CPNE8: variants seen among roughly 807,000 people sequenced by gnomAD.
The protein encoded by CPNE8 is copine-8.
Under a neutral mutation model 81.5 loss-of-function variants are expected in CPNE8, and 45 were observed. The observed-to-expected ratio is 0.55, with a 90% CI of 0.44 to 0.71. The LOEUF is 0.71. Ranked by LOEUF, CPNE8 falls within the 30% of genes least tolerant of loss-of-function variation. CPNE8 has a pLI of 0.00. For synonymous variants in CPNE8, 252 were observed against 226.3 expected (o/e 1.11, Z -1.02); for missense variants, 594 against 672.1 (o/e 0.88, Z 1.28).
intron 6 of CPNE8, among the ~76,000 whole-genome samples, chr12:38,791,325 T>A (rs1300244286): frequency 2.6e-5 from 4 of 151,528 alleles, no homozygotes; most frequent in African/African-American, 9.7e-5. Flanking sequence ...AAAATTAGCT[T>A]TAACTTATGA....
chr12:38,805,661 TAA>T (rs35911949), intron 6 of CPNE8, among the ~76,000 whole-genome samples: 3,844 of 41,898 alleles, frequency 0.092, 214 homozygotes, highest in African/African-American at 0.25. Flanking sequence ...TAGAGTATAA[TAA>T]AAAAAAAAAA....
At chr12:38,812,753 C>A (rs1225405435) in intron 6 of CPNE8, among the ~76,000 whole-genome samples, 5 of 152,196 alleles carry the variant, frequency 3.3e-5, no homozygotes, top group Non-Finnish European at 7.3e-5. Context: ...GAAGTGGCTT[C>A]TCACTCTTCT....
intron 6 of CPNE8, among the ~76,000 whole-genome samples, chr12:38,799,029 G>A (rs1366610196): frequency 1.3e-5 from 2 of 152,048 alleles, no homozygotes; most frequent in Non-Finnish European, 2.9e-5. Flanking sequence ...CCCAATACAG[G>A]AGCACCCAGA....
intron 10 of CPNE8, among the ~76,000 whole-genome samples, chr12:38,747,423 T>C (rs1438281083): frequency 6.6e-6 from 1 of 152,194 alleles, no homozygotes; most frequent in Non-Finnish European, 1.5e-5. Flanking sequence ...AATGTGGACA[T>C]TTCTAGACAG....
At chr12:38,843,626 T>A (rs554626996) in intron 4 of CPNE8, among the ~76,000 whole-genome samples, 4 of 152,106 alleles carry the variant, frequency 2.6e-5, no homozygotes, top group Admixed American at 2.6e-4. Flanking sequence ...AGAAACTCAC[T>A]AGGAAGTTCT....
At chr12:38,738,702 A>C (rs1941010072) in intron 10 of CPNE8, among the ~76,000 whole-genome samples, 1 of 152,140 alleles carries the variant, frequency 6.6e-6, no homozygotes, top group South Asian at 2.1e-4. Context: ...TTTAATATTA[A>C]CTTAAAAGTA....
intron 5 of CPNE8, among the ~76,000 whole-genome samples, chr12:38,837,901 T>C (rs1452292303): frequency 6.6e-6 from 1 of 152,154 alleles, no homozygotes; most frequent in Non-Finnish European, 1.5e-5. Flanking sequence ...AAAATAAAAG[T>C]ATTTCTACAA....
In CPNE8 at chr12:38,665,045, GA is replaced by G. The variant is rs1939035524; in HGVS notation, c.1506+5683del. Among the ~76,000 whole-genome samples the G allele has an allele frequency of 3.3e-5, 5 of 152,082 alleles. No homozygotes were observed. In the South Asian group the frequency reaches 1.0e-3, roughly 31 times the overall value. ...TCACAAGGTGTTACTTTATAAATGA[GA>G]AAAAAGACAAGTGACTTCAGAAATT... On this transcript the variant is annotated intron_variant, in intron 19 of 19. Coordinates refer to ENST00000331366, the MANE Select transcript of CPNE8 (RefSeq NM_153634.3).
At chr12:38,668,301 A>G (rs1485980810) in intron 19 of CPNE8, among the ~76,000 whole-genome samples, 1 of 152,204 alleles carries the variant, frequency 6.6e-6, no homozygotes, top group Non-Finnish European at 1.5e-5. Flanking sequence ...GACCAGAGTG[A>G]CTAAATAATT....
intron 10 of CPNE8, among the ~76,000 whole-genome samples, chr12:38,758,010 C>A (rs1176773743): frequency 1.3e-5 from 2 of 152,054 alleles, no homozygotes; most frequent in Non-Finnish European, 2.9e-5. Flanking sequence ...GTTGATGACC[C>A]AATGACAAAA....
intron 4 of CPNE8, among the ~76,000 whole-genome samples, chr12:38,843,901 G>A (rs1943512554): frequency 6.6e-6 from 1 of 152,060 alleles, no homozygotes; most frequent in Non-Finnish European, 1.5e-5. Context: ...CTTAAATGAA[G>A]TTTGAGATTA....
intron 10 of CPNE8, among the ~76,000 whole-genome samples, chr12:38,740,540 T>A (rs891672133): frequency 2.6e-5 from 4 of 152,204 alleles, no homozygotes; most frequent in African/African-American, 9.6e-5. Flanking sequence ...TTGTCATAAA[T>A]AGCTCTTACT....
At chr12:38,860,309 C>CTTTGGAGCACTGTAAATTCTAATTTA (rs1943810398) in intron 3 of CPNE8, among the ~76,000 whole-genome samples, 3 of 145,570 alleles carry the variant, frequency 2.1e-5, no homozygotes, top group Non-Finnish European at 4.5e-5. Flanking sequence ...AGATGCTCAA[C>CTTTGGAGCACTGTAAATTCTAATTTA]ATCACTAATC....
chr12:38,671,904 C>T (rs117862478), intron 18 of CPNE8, among the ~76,000 whole-genome samples: 2,369 of 152,148 alleles, frequency 0.016, 22 homozygotes, highest in Non-Finnish European at 0.025. Flanking sequence ...CAATATATAT[C>T]ATAATTATGT....
chr12:38,807,139 G>C (rs1288841728), intron 6 of CPNE8, among the ~76,000 whole-genome samples: 1 of 151,864 alleles, frequency 6.6e-6, no homozygotes, highest in Non-Finnish European at 1.5e-5. Flanking sequence ...ATGCTCATGG[G>C]TAGGAAGAAT....
intron 10 of CPNE8, among the ~76,000 whole-genome samples, chr12:38,751,297 T>C (rs947155246): frequency 7.2e-5 from 11 of 152,334 alleles, no homozygotes; most frequent in South Asian, 6.2e-4. Flanking sequence ...ACTAATATTC[T>C]AGTAAATTTC....
intron 10 of CPNE8, among the ~76,000 whole-genome samples, chr12:38,752,878 T>A (rs1162015558): frequency 6.6e-6 from 1 of 152,232 alleles, no homozygotes; most frequent in Non-Finnish European, 1.5e-5. Context: ...TTGAACTTGA[T>A]AATTCTCCTG....
intron 15 of CPNE8, 125 bp downstream of exon 15, chr12:38,693,521 AGTCAATTACTT>A (rs1046984886): frequency 1.4e-6 from 1 of 695,950 alleles, no homozygotes; most frequent in Non-Finnish European, 2.3e-6. Flanking sequence ...CACACTCCAA[AGTCAATTACTT>A]ACCAAAATTA....
At chr12:38,707,887 C>T (rs1433419577) in intron 13 of CPNE8, among the ~76,000 whole-genome samples, 4 of 152,138 alleles carry the variant, frequency 2.6e-5, no homozygotes, top group Admixed American at 2.6e-4. Flanking sequence ...ATTTATGGAG[C>T]ACCTTTCAAT....
Sources: gnomAD v4.1 joint callset for allele counts (sites outside exome capture counted in the v4.1 genomes callset) on GRCh38, gnomAD v4.1.1 for gene constraint, MANE v1.5 for transcripts, NCBI Gene and HGNC (gene_info 2026-07-23, HGNC 2026-07-21) for gene names.